The following CSNK2A2 variants were observed in gnomAD, a reference collection of about 807,000 sequenced individuals.
CSNK2A2 encodes casein kinase II subunit alpha'.
CSNK2A2 carries 8 observed loss-of-function variants against 54.0 expected under a neutral mutation model. That is an observed-to-expected ratio of 0.15 (90% CI 0.09 to 0.27). The LOEUF is 0.27. CSNK2A2 is among the 10% of genes least tolerant of loss of function. CSNK2A2 has a pLI of 1.00. For synonymous variants in CSNK2A2, 141 were observed against 153.9 expected, an observed-to-expected ratio of 0.92 and a Z score of 0.62; for missense variants, 242 against 439.4, an observed-to-expected ratio of 0.55 and a Z score of 4.02.
chr16:58,160,312 T>C (rs1211322776), intron 11 of CSNK2A2: 1 of 152,222 alleles, frequency 6.6e-6, no homozygotes, highest in African/African-American at 2.4e-5. Flanking sequence ...TATTATCCCC[T>C]CATTTTTTGT....
At chr16:58,182,554 C>CAAA (rs59002536) in intron 4 of CSNK2A2, among the ~76,000 whole-genome samples, 56 of 80,648 alleles carry the variant, frequency 6.9e-4, no homozygotes, top group African/African-American at 2.2e-3. Flanking sequence ...GGCTCCGTCT[C>CAAA]AAAAAAAAAA....
chr16:58,194,660 A>G (rs929813830), intron 2 of CSNK2A2, among the ~76,000 whole-genome samples: 1 of 152,236 alleles, frequency 6.6e-6, no homozygotes, highest in African/African-American at 2.4e-5. Flanking sequence ...GAACAGTAAG[A>G]GATATGAAGA....
intron 2 of CSNK2A2, among the ~76,000 whole-genome samples, chr16:58,195,589 C>G (rs1243666612): frequency 6.6e-6 from 1 of 152,218 alleles, no homozygotes; most frequent in Non-Finnish European, 1.5e-5. Flanking sequence ...CAATCTCTCA[C>G]TAAATGACTT....
At chr16:58,173,731 CT>C (rs1961801045) in intron 5 of CSNK2A2, among the ~76,000 whole-genome samples, 1 of 152,236 alleles carries the variant, frequency 6.6e-6, no homozygotes, top group Admixed American at 6.5e-5. Context: ...CCTGCCACCC[CT>C]GTAGGCATGT....
chr16:58,189,511 G>C (rs779477432), intron 2 of CSNK2A2, among the ~76,000 whole-genome samples: 2 of 152,166 alleles, frequency 1.3e-5, no homozygotes, highest in Non-Finnish European at 2.9e-5. Context: ...CCCATGTAAA[G>C]TCTTGCATTG....
chr16:58,196,931 C>A, intron 1 of CSNK2A2, 87 bp from the exon 2 acceptor site: 1 of 832,008 alleles, frequency 1.2e-6, no homozygotes, highest in South Asian at 1.3e-5. Flanking sequence ...GCCGCTTCCA[C>A]CAGGCAAACA....
chr16:58,165,943 T>C (rs1310733862), intron 9 of CSNK2A2, among the ~76,000 whole-genome samples: 3 of 152,204 alleles, frequency 2.0e-5, no homozygotes, highest in African/African-American at 4.8e-5. Context: ...ATTTAGAATA[T>C]GTGGAACCTT....
chr16:58,171,979 A>ATATAT (rs1261137669), intron 5 of CSNK2A2, among the ~76,000 whole-genome samples: 13 of 66,188 alleles, frequency 2.0e-4, no homozygotes, highest in Admixed American at 7.6e-4. Flanking sequence ...ATATATATAT[A>ATATAT]TTTTTTTTTT....
rs550461449 is a variant in CSNK2A2, at chr16:58,162,512, G to A, written c.*17+1542C>T. 4 of 152,296 alleles carry A rather than the reference G, an allele frequency of 2.6e-5. No homozygotes were observed. In the East Asian group the frequency reaches 7.7e-4, roughly 29 times the overall value. 9.4% of individuals were successfully genotyped at this position (152,296 alleles called of 1,614,324 possible). A position where few individuals can be genotyped will look rare whatever the true frequency, so the allele number is the denominator to read the frequency against. ...GACAAAAATAGAATCTACATTTAGAGTAGGATCTGCTACCAATACCAATAA... is the reference window on the plus strand; with the variant it reads ...GACAAAAATAGAATCTACATTTAGAATAGGATCTGCTACCAATACCAATAA... On this transcript the variant is annotated intron_variant, in intron 11 of 11. Coordinates refer to ENST00000262506, the MANE Select transcript of CSNK2A2 (RefSeq NM_001896.4).
chr16:58,194,370 T>G (rs549776701), intron 2 of CSNK2A2, among the ~76,000 whole-genome samples: 1 of 152,334 alleles, frequency 6.6e-6, no homozygotes, highest in South Asian at 2.1e-4. Context: ...AGTAATACTT[T>G]TAATTCACAA....
chr16:58,192,968 TC>T (rs1962353809), intron 2 of CSNK2A2: 1 of 152,252 alleles, frequency 6.6e-6, no homozygotes, highest in Admixed American at 6.5e-5. Flanking sequence ...TTAACTACAC[TC>T]TTAATCTGTG....
In CSNK2A2 at chr16:58,167,960, T is replaced by C. The variant is rs60361932; in HGVS notation, c.514-165A>G. Among the ~76,000 whole-genome samples, 875 of 152,306 alleles carry C rather than the reference T, an allele frequency of 5.7e-3. 6 individuals are homozygous for C. Among genetic ancestry groups the C allele is most frequent in the African/African-American group, 0.019 (808 of 41,556 alleles). On this transcript the variant is annotated intron_variant, in intron 6 of 11. Transcript: ENST00000262506. ...TTTCAGCAATCGTGCAAGAGGTCAT[T>C]TTTAGAGCAGAACACTTGAAATGCT...
chr16:58,193,065 G>C (rs1458792938), intron 2 of CSNK2A2, among the ~76,000 whole-genome samples: 2 of 152,216 alleles, frequency 1.3e-5, no homozygotes, highest in African/African-American at 4.8e-5. Flanking sequence ...TAGTGATACT[G>C]TTTGCACTAC....
In CSNK2A2 at chr16:58,174,498, T is replaced by G. The variant is rs749317833; in HGVS notation, c.382A>C (p.Ile128Leu). 1 of 1,612,332 alleles carries G rather than the reference T, an allele frequency of 6.2e-7. No homozygotes were observed. Among genetic ancestry groups the G allele is most frequent in the Admixed American group, 1.7e-5 (1 of 59,672 alleles). The change falls in exon 5 of 12, where the codon ATC becomes CTC. Residue 128 changes from isoleucine (I) to leucine (L), a missense_variant. Coordinates refer to ENST00000262506, the MANE Select transcript of CSNK2A2 (RefSeq NM_001896.4). ...AACCGGATATCAAAGTCTGTCAGGATCTGGTAGAGTTGCTGAAACAGATTC... is the reference window on the plus strand; with the variant it reads ...AACCGGATATCAAAGTCTGTCAGGAGCTGGTAGAGTTGCTGAAACAGATTC... ...NNTDFKQLYQ[I>L]LTDFDIRFYM...
At chr16:58,168,921 G>A (rs1177725344) in intron 5 of CSNK2A2, among the ~76,000 whole-genome samples, 1 of 151,940 alleles carries the variant, frequency 6.6e-6, no homozygotes, top group African/African-American at 2.4e-5. Context: ...AGGGCTATGA[G>A]GAAGATTTCT....
chr16:58,186,718 G>A (rs769556089), intron 3 of CSNK2A2, 37 bp downstream of exon 3: 11 of 1,466,884 alleles, frequency 7.5e-6, no homozygotes, highest in Middle Eastern at 3.5e-4. Flanking sequence ...CCACACCCCG[G>A]TCTACTAGTA....
intron 4 of CSNK2A2, among the ~76,000 whole-genome samples, chr16:58,179,415 C>T (rs866569344): frequency 4.6e-5 from 7 of 151,656 alleles, no homozygotes; most frequent in Admixed American, 3.3e-4. Context: ...GCAGGAGAAT[C>T]GCTTGAACCC....
chr16:58,168,084 C>A (rs1439851502), intron 6 of CSNK2A2, among the ~76,000 whole-genome samples: 2 of 152,156 alleles, frequency 1.3e-5, no homozygotes, highest in Admixed American at 6.6e-5. Context: ...TAGGCAGTTA[C>A]ACTTGGTAAC....
At chr16:58,183,775 C>A (rs187067716) in intron 4 of CSNK2A2, among the ~76,000 whole-genome samples, 1 of 151,878 alleles carries the variant, frequency 6.6e-6, no homozygotes, top group East Asian at 1.9e-4. Flanking sequence ...GTAAAAAACC[C>A]GATAGGGCTC....
Sources: allele counts gnomAD v4.1 joint callset (sites outside exome capture counted in the v4.1 genomes callset), GRCh38; gene constraint gnomAD v4.1.1; transcripts MANE v1.5; gene names NCBI Gene and HGNC (gene_info 2026-07-23, HGNC 2026-07-21).